Variants in SPTBN2 observed in about 807,000 individuals in gnomAD.
The protein encoded by SPTBN2 is spectrin beta, non-erythrocytic 2.
Under a neutral mutation model 284.2 loss-of-function variants are expected in SPTBN2, and 107 were observed. That is an observed-to-expected ratio of 0.38 (90% CI 0.32 to 0.44). The LOEUF (loss-of-function observed/expected upper bound fraction) is 0.44. Ranked by LOEUF, SPTBN2 falls within the 20% of genes least tolerant of loss-of-function variation. The pLI is 1.00. For synonymous variants in SPTBN2, 1,289 were observed against 1,354.8 expected, an observed-to-expected ratio of 0.95 and a Z score of 1.07; for missense variants, 2,569 against 3,287.1, an observed-to-expected ratio of 0.78 and a Z score of 5.34.
intron 19 of SPTBN2, 47 bp downstream of exon 19, chr11:66,698,945 G>A: frequency 1.9e-6 from 3 of 1,610,244 alleles, no homozygotes; most frequent in Middle Eastern, 1.7e-4. Flanking sequence ...GGCTCAAGGT[G>A]AGAAAGGGAT....
rs1565150876 is a variant in SPTBN2 at position 66,715,423 on chromosome 11, CG to C, written c.310-29del. 2 of 1,597,674 alleles carry C rather than the reference CG, an allele frequency of 1.3e-6. No homozygotes were observed. Among genetic ancestry groups the C allele is most frequent in the Admixed American group, 3.4e-5 (2 of 59,400 alleles). On this transcript the variant is annotated intron_variant, in intron 4 of 37. Coordinates refer to ENST00000533211, the MANE Select transcript of SPTBN2 (RefSeq NM_006946.4). The surrounding 1 kb of genome is among the most constrained non-coding windows in gnomAD (Gnocchi z 5.3). ...GTGGAGGGACGGGGGCAAAATGGCA[CG>C]GGACTGTGGGCTTCCACCTTCTTCC...
Position 66,685,627 on chromosome 11 carries a change from A to C in SPTBN2, c.*244T>G. 1 of 506,622 alleles carries C rather than the reference A, an allele frequency of 2.0e-6. No homozygotes were observed. Among genetic ancestry groups the C allele is most frequent in the African/African-American group, 2.0e-5 (1 of 49,500 alleles). 31.4% of individuals were successfully genotyped at this position (506,622 alleles called of 1,614,324 possible). ...GGCACGAGGCTGGGGAAAGGGGAGA[A>C]GTCGGCGGGGGTGGGAGAGGGGGTT... On this transcript the variant is annotated 3_prime_UTR_variant, in exon 38 of 38. Transcript: ENST00000533211. The surrounding 1 kb of genome is among the most constrained non-coding windows in gnomAD (Gnocchi z 4.4).
intron 1 of SPTBN2, among the ~76,000 whole-genome samples, chr11:66,723,221 C>T (rs1942499672): frequency 6.6e-6 from 1 of 152,020 alleles, no homozygotes; most frequent in East Asian, 1.9e-4. Context: ...AAAAAAACCT[C>T]TACTGTCCAA....
At position 66,687,557 on chromosome 11, in the gene SPTBN2, T is replaced by C. The variant is rs757828246; in HGVS notation, c.6592A>G (p.Arg2198Gly). ...GCAGCATGGGCTGACTCGGTAGACC[T>C]GCTCTGGGGCATTGCAGATGGGGCC... ...GPAPSAMPQS[R>G]STESAHAATL... The change falls in exon 35 of 38, where the codon AGG (arginine) becomes GGG (glycine). Residue 2198 changes from arginine (R) to glycine (G), a missense_variant. Physicochemically the swap from Arg to Gly is moderately radical, Grantham distance 125. This residue lies in a region of SPTBN2 where 1,130 missense variants were observed against 1,317.3 expected (regional missense o/e 0.86). Transcript: ENST00000533211. This position sits in a 1 kb window ranked among gnomAD's most constrained non-coding sequence, Gnocchi z 5.2. The C allele has an allele frequency of 6.2e-7, 1 of 1,612,230 alleles. No individual in the cohort carries two copies. Among genetic ancestry groups the C allele is most frequent in the South Asian group, 1.1e-5 (1 of 91,066 alleles).
rs1004408367 is a variant in SPTBN2, at chr11:66,715,742, G to C, written c.309+88C>G. ...GAGCCACTGCTTCCCGCCCTGTGCC[G>C]TCACTCTCTCTGAGGGCTGTTCTTC... On this transcript the variant is annotated intron_variant, in intron 4 of 37. Transcript: ENST00000533211. The surrounding 1 kb of genome is among the most constrained non-coding windows in gnomAD (Gnocchi z 5.3). 2 of 1,552,088 alleles carry C rather than the reference G, an allele frequency of 1.3e-6. No homozygotes were observed. The highest frequency in any genetic ancestry group is 2.3e-5 in the South Asian group (2 of 85,862).
intron 1 of SPTBN2, among the ~76,000 whole-genome samples, chr11:66,727,712 CGAG>C (rs1942671467): frequency 6.6e-6 from 1 of 152,126 alleles, no homozygotes; most frequent in Non-Finnish European, 1.5e-5. Flanking sequence ...GCCAAAGAGG[CGAG>C]GAGGAGCCCA....
intron 29 of SPTBN2, chr11:66,689,399 G>A (rs570223775): frequency 3.5e-6 from 2 of 565,942 alleles, no homozygotes; most frequent in African/African-American, 1.9e-5. Context: ...CTCAGCCTCC[G>A]AGTAGCTGGG....
At chr11:66,725,165 G>A (rs74959455) in intron 1 of SPTBN2, among the ~76,000 whole-genome samples, 9,642 of 152,238 alleles carry the variant, frequency 0.063, 746 homozygotes, top group Admixed American at 0.23. Flanking sequence ...TATGGATCAG[G>A]AACCAAGCTG....
In SPTBN2 at chr11:66,693,958, T is replaced by C. The variant is rs994104552; in HGVS notation, c.4504-97A>G. The C allele has an allele frequency of 2.2e-6, 3 of 1,342,234 alleles. No individual in the cohort carries two copies. Among genetic ancestry groups the C allele is most frequent in the Non-Finnish European group, 2.1e-6 (2 of 960,532 alleles). 83.1% of individuals were successfully genotyped at this position (1,342,234 alleles called of 1,614,324 possible). ...GGGGACACCTGGGGCTACCGCCCTG[T>C]GTGTGGGGAACAGTCATCTCTGGTT... is the stretch of plus-strand genomic sequence containing the variant. On this transcript the variant is annotated intron_variant, in intron 22 of 37. Coordinates refer to ENST00000533211, the MANE Select transcript of SPTBN2 (RefSeq NM_006946.4). This position sits in a 1 kb window ranked among gnomAD's most constrained non-coding sequence, Gnocchi z 5.7.
At chr11:66,721,797 G>C (rs1241759984) in intron 1 of SPTBN2, among the ~76,000 whole-genome samples, 1 of 152,156 alleles carries the variant, frequency 6.6e-6, no homozygotes, top group Admixed American at 6.5e-5. Context: ...TGTAATCACA[G>C]CACTTTGGGA....
At chr11:66,717,703 G>A (rs1282184525) in intron 3 of SPTBN2, among the ~76,000 whole-genome samples, 2 of 152,162 alleles carry the variant, frequency 1.3e-5, no homozygotes, top group African/African-American at 4.8e-5. Flanking sequence ...CCTGGGGTGA[G>A]GCCATTTTGG....
chr11:66,695,811 CCT>C (rs1168550731), intron 21 of SPTBN2, among the ~76,000 whole-genome samples: 2 of 151,830 alleles, frequency 1.3e-5, no homozygotes, highest in African/African-American at 2.4e-5. Context: ...CTCACTGCAA[CCT>C]CTGTCTCCTG....
chr11:66,738,525 T>C (rs979300643), intron 1 of SPTBN2, among the ~76,000 whole-genome samples: 3 of 152,166 alleles, frequency 2.0e-5, no homozygotes, highest in Non-Finnish European at 2.9e-5. Context: ...TTTAAATTAT[T>C]ATTATTTTTG....
chr11:66,730,561 C>T (rs532450244), upstream of SPTBN2, among the ~76,000 whole-genome samples: 7 of 142,718 alleles, frequency 4.9e-5, no homozygotes, highest in African/African-American at 1.8e-4. Flanking sequence ...GCCTGGGCAA[C>T]AAGAACGAGA....
At chr11:66,716,198 C>T (rs541281710) in intron 3 of SPTBN2, among the ~76,000 whole-genome samples, 6 of 152,136 alleles carry the variant, frequency 3.9e-5, no homozygotes, top group African/African-American at 7.2e-5. Flanking sequence ...AGAAAATAGG[C>T]GAAGGTTGGG....
chr11:66,725,515 C>T (rs760031771), intron 1 of SPTBN2, among the ~76,000 whole-genome samples: 15 of 152,196 alleles, frequency 9.9e-5, no homozygotes, highest in Non-Finnish European at 1.8e-4. Context: ...TTTCCTCAGT[C>T]GGCCAGCAGC....
chr11:66,689,663 G>T, intron 29 of SPTBN2, 142 bp downstream of exon 29: 1 of 1,328,752 alleles, frequency 7.5e-7, no homozygotes, highest in Non-Finnish European at 1.1e-6. Flanking sequence ...TTTCCAGAAT[G>T]CGAGAAACCC....
rs1463128049 is a variant in SPTBN2 at position 66,691,763 on chromosome 11, C to T, written c.5191-105G>A. On this transcript the variant is annotated intron_variant, in intron 26 of 37. Transcript: ENST00000533211. This position sits in a 1 kb window ranked among gnomAD's most constrained non-coding sequence, Gnocchi z 8.0. ...TCCAAACTCAGAACCCACCTCTCCC[C>T]GCTGCATGGGGGCCGGGACAGGTTT... The T allele has an allele frequency of 2.6e-6, 4 of 1,537,758 alleles. No individual in the cohort carries two copies. The highest frequency in any genetic ancestry group is 2.3e-5 in the East Asian group (1 of 44,158).
At chr11:66,726,031 GTC>G (rs551527479) in intron 1 of SPTBN2, among the ~76,000 whole-genome samples, 1 of 152,128 alleles carries the variant, frequency 6.6e-6, no homozygotes, top group South Asian at 2.1e-4. Context: ...TTGTTTACGT[GTC>G]TCTCTGCCCG....
Sources: gnomAD v4.1 joint callset for allele counts (sites outside exome capture counted in the v4.1 genomes callset) on GRCh38, gnomAD v4.1.1 for gene constraint, gnomAD v4.1.1 regional missense constraint, Gnocchi (gnomAD v3.1) non-coding constraint, MANE v1.5 for transcripts, NCBI Gene and HGNC (gene_info 2026-07-23, HGNC 2026-07-21) for gene names.